The following PIGN variants were observed in gnomAD, a reference collection of about 807,000 sequenced individuals.
The protein encoded by PIGN is GPI ethanolamine phosphate transferase 1.
Under a neutral mutation model 125.4 loss-of-function variants are expected in PIGN, and 117 were observed. The observed-to-expected ratio is 0.93, with a 90% CI of 0.80 to 1.09. The LOEUF is 1.09. Ranked by LOEUF, PIGN falls within the 50% of genes least tolerant of loss-of-function variation. PIGN has a pLI of 0.00. For synonymous variants in PIGN, 392 were observed against 377.8 expected, an observed-to-expected ratio of 1.04 and a Z score of -0.44; for missense variants, 1,075 against 1,094.9, an observed-to-expected ratio of 0.98 and a Z score of 0.26.
chr18:62,170,734 A>G (rs145198710), intron 1 of PIGN, among the ~76,000 whole-genome samples: 2,309 of 152,344 alleles, frequency 0.015, 53 homozygotes, highest in Non-Finnish European at 0.017. Context: ...GGCATTTTGA[A>G]AGCCAAGACA....
intron 8 of PIGN, 115 bp from the exon 9 acceptor site, chr18:62,147,216 C>T (rs944032795): frequency 1.6e-6 from 2 of 1,276,628 alleles, no homozygotes; most frequent in Non-Finnish European, 1.0e-6. Flanking sequence ...TAGATTTCAT[C>T]TTTAATATTT....
intron 30 of PIGN, among the ~76,000 whole-genome samples, chr18:62,055,655 AG>A (rs2031659342): frequency 1.3e-5 from 2 of 152,186 alleles, no homozygotes; most frequent in African/African-American, 2.4e-5. Context: ...GAAATAAGGT[AG>A]AGGGTATAGG....
At chr18:62,159,998 A>T (rs778840612) in intron 4 of PIGN, among the ~76,000 whole-genome samples, 12 of 152,160 alleles carry the variant, frequency 7.9e-5, no homozygotes, top group Non-Finnish European at 5.9e-5. Flanking sequence ...CTGTAGTCCC[A>T]GCTACTCGGG....
chr18:62,087,729 C>T (rs1260074724), intron 25 of PIGN, among the ~76,000 whole-genome samples: 1 of 152,146 alleles, frequency 6.6e-6, no homozygotes, highest in Non-Finnish European at 1.5e-5. Context: ...AAGAAAATGC[C>T]TCCAATACTT....
chr18:62,120,532 A>G (rs938521384), intron 14 of PIGN, among the ~76,000 whole-genome samples: 3 of 152,172 alleles, frequency 2.0e-5, no homozygotes, highest in African/African-American at 7.2e-5. Context: ...TTGATAATAC[A>G]AGGCAAAAAG....
chr18:62,085,423 G>A (rs947713987), intron 25 of PIGN, among the ~76,000 whole-genome samples, 159 bp from the exon 26 acceptor site: 2 of 152,086 alleles, frequency 1.3e-5, no homozygotes, highest in Admixed American at 6.5e-5. Flanking sequence ...CCTTGTGAAT[G>A]CATTTTAAAA....
rs1294485592 is a variant in PIGN, at chr18:62,043,661, T to G, written c.*2195A>C. Reference sequence around the variant, plus strand: ...AATACTGTACACTAAGTATAATAATTAACATATTGGAAAATGACAGACAAG... The same window carrying G: ...AATACTGTACACTAAGTATAATAATGAACATATTGGAAAATGACAGACAAG... On this transcript the variant is annotated 3_prime_UTR_variant, in exon 31 of 31. Coordinates refer to ENST00000640252, the MANE Select transcript of PIGN (RefSeq NM_176787.5). The G allele has an allele frequency of 6.6e-6, 1 of 152,184 alleles. No homozygotes were observed. Among genetic ancestry groups the G allele is most frequent in the Non-Finnish European group, 1.5e-5 (1 of 68,028 alleles). The allele number at this position is 152,184 out of a possible 1,614,324, so 9.4% of individuals were successfully genotyped here.
intron 1 of PIGN, among the ~76,000 whole-genome samples, chr18:62,179,199 A>C (rs1395095901): frequency 1.3e-5 from 2 of 152,180 alleles, no homozygotes; most frequent in African/African-American, 4.8e-5. Context: ...CTAAACTGTT[A>C]ATATAAAACT....
intron 23 of PIGN, among the ~76,000 whole-genome samples, chr18:62,095,125 A>G (rs1055679883): frequency 6.6e-6 from 1 of 152,228 alleles, no homozygotes; most frequent in African/African-American, 2.4e-5. Context: ...TATTTGGGCC[A>G]AAATTCAAAC....
At chr18:62,105,397 G>T in intron 20 of PIGN, 146 bp downstream of exon 20, 1 of 558,052 alleles carries the variant, frequency 1.8e-6, no homozygotes, top group Admixed American at 3.0e-5. Flanking sequence ...CCAAAATCAT[G>T]ACTAATGGTT....
Position 62,114,359 on chromosome 18 carries a change from C to CA in PIGN, c.1251+201dup, listed in dbSNP as rs373385473. Among the ~76,000 whole-genome samples the CA allele has an allele frequency of 0.016, 1,776 of 111,304 alleles. 17 individuals carry two copies. Among genetic ancestry groups the CA allele is most frequent in the African/African-American group, 0.033 (912 of 27,526 alleles). 73.0% of individuals were successfully genotyped at this position (111,304 alleles called of 152,430 possible). Reference sequence around the variant, plus strand: ...CCTGGGCAACAGCGACACTCTGTCTCAAAAAAAAAAAAAAAAATTTACCCA... The same window carrying CA: ...CCTGGGCAACAGCGACACTCTGTCTCAAAAAAAAAAAAAAAAAATTTACCCA... On this transcript the variant is annotated intron_variant, in intron 15 of 30. Coordinates refer to ENST00000640252, the MANE Select transcript of PIGN (RefSeq NM_176787.5).
chr18:62,125,628 G>A (rs1044179592), intron 14 of PIGN, among the ~76,000 whole-genome samples: 2 of 151,910 alleles, frequency 1.3e-5, no homozygotes, highest in African/African-American at 4.8e-5. Flanking sequence ...GATTATATAC[G>A]TGTATACTAC....
rs768769793 is a variant in PIGN at position 62,113,195 on chromosome 18, G to T, written c.1373C>A (p.Ala458Asp). Residue 458 changes from alanine to aspartate, a missense_variant, in exon 16 of 31, where the codon GCC (alanine) becomes GAC (aspartate). Around this residue, in one of 3 missense-constraint regions of PIGN, gnomAD observed 915 missense variants for 908.7 expected, o/e 1.01. Coordinates refer to ENST00000640252, the MANE Select transcript of PIGN (RefSeq NM_176787.5). ...VIGFVGWISY[A>D]SLLIIKSHSN... is the part of the protein sequence containing the mutation. The stretch of plus-strand genomic sequence containing the variant: ...ATGAGACTTGATGATCAACAAAGAG[G>T]CATAAGATATCCATCCCACAAAACC... 9 of 1,612,520 alleles carry T rather than the reference G, an allele frequency of 5.6e-6. No individual in the cohort carries two copies. Among genetic ancestry groups the T allele is most frequent in the Admixed American group, 1.7e-5 (1 of 59,908 alleles).
At chr18:62,182,310 G>C (rs886153498) in intron 1 of PIGN, among the ~76,000 whole-genome samples, 3 of 135,902 alleles carry the variant, frequency 2.2e-5, no homozygotes, top group African/African-American at 7.8e-5. Flanking sequence ...AAATCTACAT[G>C]GACGTTTCAA....
At chr18:62,109,701 AG>A (rs2034797027) in intron 17 of PIGN, 132 bp downstream of exon 17, 4 of 617,122 alleles carry the variant, frequency 6.5e-6, no homozygotes, top group Non-Finnish European at 1.1e-5. Context: ...ATGAAGTGAG[AG>A]GGACTGGAGG....
At chr18:62,174,994 C>T (rs62096111) in intron 1 of PIGN, among the ~76,000 whole-genome samples, 24,050 of 147,316 alleles carry the variant, frequency 0.16, 2,632 homozygotes, top group Middle Eastern at 0.28. Flanking sequence ...ACAGTGTTCA[C>T]TACTAAACAT....
rs536138823 is a variant in PIGN at position 62,043,523 on chromosome 18, C to G, written c.*2333G>C. On this transcript the variant is annotated 3_prime_UTR_variant, in exon 31 of 31. Coordinates refer to ENST00000640252, the MANE Select transcript of PIGN (RefSeq NM_176787.5). The stretch of plus-strand genomic sequence containing the variant: ...AAACCATATTATAATGGATGAAGAG[C>G]TTTTCTAATTCAGCTCTATCATTAA... 1.2e-4 allele frequency: 19 copies of G among 152,146 alleles called. No homozygotes were observed. The highest frequency in any genetic ancestry group is 8.3e-4 in the South Asian group (4 of 4,818). 9.4% of individuals were successfully genotyped at this position (152,146 alleles called of 1,614,324 possible). A position where few individuals can be genotyped will look rare whatever the true frequency, so the allele number is the denominator to read the frequency against.
At chr18:62,019,108 C>T (rs2030021104) in intron 23 of PIGN, among the ~76,000 whole-genome samples, 1 of 152,146 alleles carries the variant, frequency 6.6e-6, no homozygotes, top group African/African-American at 2.4e-5. Flanking sequence ...ACTCAGGAGG[C>T]TGAGATGGGA....
intron 1 of PIGN, among the ~76,000 whole-genome samples, chr18:62,163,999 A>T (rs548243231): frequency 6.6e-6 from 1 of 152,230 alleles, no homozygotes; most frequent in African/African-American, 2.4e-5. Flanking sequence ...ATGTTGTAGC[A>T]TATCAGAATT....
Sources: allele counts gnomAD v4.1 joint callset (sites outside exome capture counted in the v4.1 genomes callset), GRCh38; gene constraint gnomAD v4.1.1; regional missense constraint gnomAD v4.1.1; transcripts MANE v1.5; gene names NCBI Gene and HGNC (gene_info 2026-07-23, HGNC 2026-07-21).